Variants in LNX1 observed in about 807,000 individuals in gnomAD.
LNX1 encodes the protein ligand of numb-protein X 1, also known as E3 ubiquitin-protein ligase LNX.
A neutral mutation model predicts 68.4 loss-of-function variants in LNX1; 54 were observed. That is an observed-to-expected ratio of 0.79 (90% CI 0.63 to 0.99). The LOEUF (loss-of-function observed/expected upper bound fraction) is 0.99. Among genes scored for constraint, LNX1 ranks in the 50% least tolerant of loss-of-function variants. The pLI is 0.00. For synonymous variants in LNX1, 336 were observed against 350.0 expected, an observed-to-expected ratio of 0.96 and a Z score of 0.45; for missense variants, 906 against 926.4, an observed-to-expected ratio of 0.98 and a Z score of 0.29.
chr4:53,466,282 T>G (rs1481113725), intron 9 of LNX1, among the ~76,000 whole-genome samples: 1 of 152,244 alleles, frequency 6.6e-6, no homozygotes, highest in Admixed American at 6.5e-5. Context: ...CTTCTCTAAT[T>G]TGGCCAATAA....
intron 2 of LNX1, 158 bp from the exon 3 acceptor site, chr4:53,508,385 C>T (rs1336611222): frequency 5.7e-6 from 5 of 874,270 alleles, no homozygotes; most frequent in Admixed American, 5.8e-5. Context: ...TTTCACACAT[C>T]GGTACTCAAT....
chr4:53,554,051 G>A (rs1030382284), intron 2 of LNX1, among the ~76,000 whole-genome samples: 2 of 152,262 alleles, frequency 1.3e-5, no homozygotes, highest in South Asian at 4.1e-4. Context: ...AACGTGGGCT[G>A]TATAGGAGAC....
chr4:53,530,958 G>T (rs1727976825), intron 2 of LNX1, among the ~76,000 whole-genome samples: 1 of 152,032 alleles, frequency 6.6e-6, no homozygotes, highest in South Asian at 2.1e-4. Context: ...TGAGCTCAGG[G>T]GTTTGAGACC....
At chr4:53,494,447 T>C (rs924627561) in intron 6 of LNX1, among the ~76,000 whole-genome samples, 2 of 152,140 alleles carry the variant, frequency 1.3e-5, no homozygotes, top group African/African-American at 4.8e-5. Flanking sequence ...TTGTCTTGTG[T>C]CTCCTTAGGA....
At chr4:53,522,968 AC>A (rs1727342497) in intron 2 of LNX1, 2 of 152,346 alleles carry the variant, frequency 1.3e-5, no homozygotes, top group South Asian at 4.1e-4. Context: ...TCAATTATTA[AC>A]ATGCTTGTCC....
intron 4 of LNX1, among the ~76,000 whole-genome samples, chr4:53,500,920 C>A (rs556952609): frequency 6.6e-6 from 1 of 152,308 alleles, no homozygotes; most frequent in African/African-American, 2.4e-5. Context: ...CTCCCTCATT[C>A]CCCTTCCCTT....
intron 2 of LNX1, among the ~76,000 whole-genome samples, chr4:53,612,705 ATT>A (rs71197034): frequency 1.4e-4 from 20 of 145,494 alleles, no homozygotes; most frequent in South Asian, 2.3e-4. Context: ...TAATTTTTGT[ATT>A]TTTTTTTTTT....
At chr4:53,468,913 C>T (rs2150565891) in intron 9 of LNX1, among the ~76,000 whole-genome samples, 1 of 152,232 alleles carries the variant, frequency 6.6e-6, no homozygotes, top group African/African-American at 2.4e-5. Context: ...ACCCCATTGT[C>T]AACATTAGAC....
chr4:53,609,683 CTAT>C (rs1366992980), intron 2 of LNX1, among the ~76,000 whole-genome samples: 2 of 140,284 alleles, frequency 1.4e-5, no homozygotes, highest in Non-Finnish European at 1.5e-5. Context: ...TATTATAGTA[CTAT>C]TATAATACTA....
chr4:53,560,931 A>G (rs1355190098), intron 2 of LNX1, among the ~76,000 whole-genome samples: 1 of 152,208 alleles, frequency 6.6e-6, no homozygotes, highest in African/African-American at 2.4e-5. Context: ...AGATTGCTCC[A>G]TGGCTTCCTT....
chr4:53,620,780 G>C (rs368028008), upstream of LNX1, among the ~76,000 whole-genome samples: 3 of 152,142 alleles, frequency 2.0e-5, no homozygotes, highest in East Asian at 1.9e-4. Flanking sequence ...CCAGTGCTTA[G>C]AGTCCAGTGC....
Position 53,624,868 on chromosome 4 carries a change from T to G in LNX1, c.-215+27300A>C, listed in dbSNP as rs180675514. Among the ~76,000 whole-genome samples the G allele has an allele frequency of 2.6e-5, 4 of 152,342 alleles. No individual in the cohort carries two copies. The East Asian group carries it at 7.7e-4, about 29-fold the overall frequency. ...GATTCTTCAATAGAATGTATTTATT[T>G]AAGATTCCAGAATTTTTTTACATGT... On this transcript the variant is annotated intron_variant, in intron 1 of 2. Coordinates refer to the LNX1 transcript ENST00000507168.
intron 1 of LNX1, among the ~76,000 whole-genome samples, chr4:53,616,958 T>C (rs1401157851): frequency 2.6e-5 from 4 of 152,206 alleles, no homozygotes; most frequent in Non-Finnish European, 4.4e-5. Context: ...AAATCACCCA[T>C]AAGCTACAAT....
intron 1 of LNX1, among the ~76,000 whole-genome samples, chr4:53,587,968 T>C (rs1297051311): frequency 6.6e-6 from 1 of 152,204 alleles, no homozygotes; most frequent in African/African-American, 2.4e-5. Context: ...TGGGAAATCT[T>C]TTTTTGCTCA....
At chr4:53,614,777 AC>A (rs1733624739) in intron 2 of LNX1, among the ~76,000 whole-genome samples, 1 of 152,158 alleles carries the variant, frequency 6.6e-6, no homozygotes, top group Admixed American at 6.5e-5. Flanking sequence ...TGCTAGTTTT[AC>A]ATTCCATGCT....
intron 2 of LNX1, among the ~76,000 whole-genome samples, chr4:53,552,956 G>A (rs576714214): frequency 1.3e-5 from 2 of 152,252 alleles, no homozygotes; most frequent in African/African-American, 2.4e-5. Context: ...TCTGAGATGA[G>A]CCTAGCTTGT....
chr4:53,493,552 T>C (rs1724847571), intron 6 of LNX1, among the ~76,000 whole-genome samples: 1 of 152,238 alleles, frequency 6.6e-6, no homozygotes, highest in African/African-American at 2.4e-5. Flanking sequence ...AGGGATAAGC[T>C]ACTGTACAGG....
chr4:53,511,736 T>A (rs1726356171), intron 2 of LNX1, among the ~76,000 whole-genome samples: 1 of 152,216 alleles, frequency 6.6e-6, no homozygotes. Context: ...CTGAGTTCAC[T>A]GCTAATGAGA....
intron 2 of LNX1, among the ~76,000 whole-genome samples, chr4:53,540,046 T>A (rs1346939268): frequency 2.6e-5 from 4 of 152,176 alleles, no homozygotes; most frequent in African/African-American, 9.7e-5. Context: ...TCTAGTGCTA[T>A]CTGAATAAAA....
Sources: gnomAD v4.1 joint callset for allele counts (sites outside exome capture counted in the v4.1 genomes callset) on GRCh38, gnomAD v4.1.1 for gene constraint, MANE v1.5 for transcripts, NCBI Gene and HGNC (gene_info 2026-07-23, HGNC 2026-07-21) for gene names.